Variants in SPG11 observed in about 807,000 individuals in gnomAD.
The protein encoded by SPG11 is SPG11 vesicle trafficking associated, spatacsin, also known as spatacsin.
A neutral mutation model predicts 274.0 loss-of-function variants in SPG11; 222 were observed. The observed-to-expected ratio is 0.81, with a 90% CI of 0.73 to 0.91. The LOEUF is 0.91. Ranked by LOEUF, SPG11 falls within the 40% of genes least tolerant of loss-of-function variation. The pLI, the probability that SPG11 is intolerant of heterozygous loss-of-function variation, is 0.00. For missense variants in SPG11, 3,114 were observed against 2,872.7 expected (o/e 1.08, Z -1.92); for synonymous variants, 1,144 against 1,039.7 (o/e 1.10, Z -1.93).
chr15:44,638,004 C>T (rs1173906629), intron 7 of SPG11, among the ~76,000 whole-genome samples: 1 of 151,758 alleles, frequency 6.6e-6, no homozygotes, highest in Non-Finnish European at 1.5e-5. Context: ...TCATTTTCAG[C>T]AAAAAGTTTA....
At chr15:44,572,401 T>C (rs2082442142) in intron 33 of SPG11, 2 of 415,500 alleles carry the variant, frequency 4.8e-6, no homozygotes, top group East Asian at 5.4e-5. Flanking sequence ...GTCTCCCTTC[T>C]AGGGGACAAT....
intron 7 of SPG11, among the ~76,000 whole-genome samples, chr15:44,644,240 C>A (rs1000465659): frequency 6.6e-6 from 1 of 151,420 alleles, no homozygotes; most frequent in African/African-American, 2.4e-5. Context: ...GCGAATCCAA[C>A]AGAATCAAGT....
rs780236735 is a variant in SPG11, at chr15:44,595,301, T to C, written c.4593A>G (p.Gln1531=). Residue 1531 remains glutamine (Q), a synonymous_variant, in exon 26 of 40, where the codon CAA becomes CAG. Coordinates refer to ENST00000261866, the MANE Select transcript of SPG11 (RefSeq NM_025137.4). ...AACCTCTGATGAGAGTTTTGCTCTT[T>C]TGTCTTGTTAATAATGTTCTCCAGA... ...SVIWRTLLTR[Q]KSKTLIRGFQ... 2.5e-6 allele frequency: 4 copies of C among 1,614,114 alleles called. No homozygotes were observed. The highest frequency in any genetic ancestry group is 3.3e-5 in the Admixed American group (2 of 60,010).
At chr15:44,643,164 T>C (rs1372433143) in intron 7 of SPG11, among the ~76,000 whole-genome samples, 2 of 152,174 alleles carry the variant, frequency 1.3e-5, no homozygotes, top group African/African-American at 4.8e-5. Flanking sequence ...AGAGGCACTG[T>C]GTGAATTAAA....
At chr15:44,586,373 T>C (rs116235416) in intron 28 of SPG11, among the ~76,000 whole-genome samples, 10,523 of 152,052 alleles carry the variant, frequency 0.069, 948 homozygotes, top group African/African-American at 0.19. Context: ...TGGCTAGGCG[T>C]AGTGGCTCAC....
intron 37 of SPG11, 62 bp downstream of exon 37, chr15:44,566,155 G>C: frequency 6.2e-7 from 1 of 1,604,644 alleles, no homozygotes; most frequent in Non-Finnish European, 8.5e-7. Flanking sequence ...AAGGACAAAA[G>C]AAAATAATTT....
intron 7 of SPG11, among the ~76,000 whole-genome samples, chr15:44,634,484 C>A (rs774633634): frequency 2.0e-5 from 3 of 150,090 alleles, no homozygotes; most frequent in Non-Finnish European, 4.4e-5. Context: ...GGTTTCACTG[C>A]GTTTGGCTAG....
chr15:44,631,999 A>G (rs2084078668), intron 8 of SPG11, among the ~76,000 whole-genome samples: 1 of 150,168 alleles, frequency 6.7e-6, no homozygotes, highest in Admixed American at 6.7e-5. Flanking sequence ...TGTAGAGGTA[A>G]GGTTTCACTA....
In SPG11 at chr15:44,563,320, T is replaced by G. The variant is rs963111099; in HGVS notation, c.7152-19A>C. ...TTTATATCTAGATAAAGAAACATAA[T>G]GTACAGGTTAAGATACTGTTTTTTG... On this transcript the variant is annotated intron_variant, in intron 39 of 39. Transcript: ENST00000261866. The G allele has an allele frequency of 6.2e-7, 1 of 1,605,610 alleles. No homozygotes were observed. The highest frequency in any genetic ancestry group is 8.5e-7 in the Non-Finnish European group (1 of 1,173,062).
chr15:44,566,071 C>A (rs1595817329), intron 37 of SPG11, 62 bp from the exon 38 acceptor site: 2 of 1,603,806 alleles, frequency 1.2e-6, no homozygotes, highest in African/African-American at 1.3e-5. Flanking sequence ...CCTGTGTGAA[C>A]CCTCACAACG....
At chr15:44,628,567 C>A in intron 10 of SPG11, 102 bp downstream of exon 10, 1 of 1,138,418 alleles carries the variant, frequency 8.8e-7, no homozygotes, top group East Asian at 2.4e-5. Context: ...GCCAAACATT[C>A]TGAATCACAA....
In SPG11 at chr15:44,584,423, A is replaced by G. The variant is rs775536803; in HGVS notation, c.5257T>C (p.Ser1753Pro). 6.2e-7 allele frequency: 1 copy of G among 1,614,186 alleles called. No homozygotes were observed. The highest frequency in any genetic ancestry group is 1.1e-5 in the South Asian group (1 of 91,084). ...TCACATGCCACATGGGCCTGGGTTG[A>G]GAAAAAGGAAGAAGCTGCTTTGCTT... ...ISSKAASSFF[S>P]TQAHVACEHP... The change falls in exon 30 of 40, where the codon TCA becomes CCA. Residue 1753 changes from serine to proline, a missense_variant. Physicochemically the swap from Ser to Pro is moderately conservative, Grantham distance 74. Coordinates refer to ENST00000261866, the MANE Select transcript of SPG11 (RefSeq NM_025137.4).
At chr15:44,572,452 T>A (rs768774344) in intron 33 of SPG11, 13 of 537,030 alleles carry the variant, frequency 2.4e-5, no homozygotes, top group Non-Finnish European at 4.3e-5. Flanking sequence ...GAAATAAGTA[T>A]GTTGAGTAAA....
In SPG11 at chr15:44,615,527, T is replaced by G. The variant is rs140164220; in HGVS notation, c.2874A>C (p.Glu958Asp). ...VFLASELEDF[E>D]CFLLRLSRIG... Reference sequence around the variant, plus strand: ...TACGGCTCAGTCTTAGGAGGAAGCATTCAAAGTCTTCCAGTTCAGATGCCA... The same window carrying G: ...TACGGCTCAGTCTTAGGAGGAAGCAGTCAAAGTCTTCCAGTTCAGATGCCA... The change falls in exon 16 of 40, where the codon GAA becomes GAC. Residue 958 changes from glutamate to aspartate, a missense_variant. Transcript: ENST00000261866. 7.5e-5 allele frequency: 121 copies of G among 1,614,096 alleles called. No individual in the cohort carries two copies. In the African/African-American group the frequency reaches 1.4e-3, roughly 19 times the overall value.
In SPG11 at chr15:44,596,948, A is replaced by C. The variant is rs1567149668; in HGVS notation, c.4002-5T>G. The stretch of plus-strand genomic sequence containing the variant: ...CTGCTAGATTCACTGGATAACCTAT[A>C]ATCAGAATTAGAGGTGGGGGTGGTC... On this transcript the variant is annotated splice_region_variant and splice_polypyrimidine_tract_variant and intron_variant, in intron 23 of 39. Coordinates refer to ENST00000261866, the MANE Select transcript of SPG11 (RefSeq NM_025137.4). 1.2e-6 allele frequency: 2 copies of C among 1,613,788 alleles called. No homozygotes were observed. The highest frequency in any genetic ancestry group is 1.7e-6 in the Non-Finnish European group (2 of 1,179,982).
chr15:44,586,136 C>T (rs537626016), intron 28 of SPG11, among the ~76,000 whole-genome samples: 1 of 151,748 alleles, frequency 6.6e-6, no homozygotes, highest in Non-Finnish European at 1.5e-5. Context: ...AGGTGTACAC[C>T]ACCACACCTG....
At chr15:44,630,236 GC>G (rs898651291) in intron 8 of SPG11, among the ~76,000 whole-genome samples, 23 of 152,274 alleles carry the variant, frequency 1.5e-4, no homozygotes, top group Middle Eastern at 3.4e-3. Context: ...TCCTCCCGCT[GC>G]CCCCCGTGGA....
At chr15:44,621,444 G>A (rs1205528296) in intron 14 of SPG11, 1 of 340,536 alleles carries the variant, frequency 2.9e-6, no homozygotes, top group Non-Finnish European at 5.6e-6. Flanking sequence ...CCCCATATCA[G>A]ATGGCATAGA....
chr15:44,628,297 AATC>A (rs1156990654), intron 10 of SPG11, among the ~76,000 whole-genome samples: 1 of 152,248 alleles, frequency 6.6e-6, no homozygotes, highest in African/African-American at 2.4e-5. Flanking sequence ...CCAAAGATCT[AATC>A]ATCAGCAGCA....
Sources: gnomAD v4.1 joint callset for allele counts (sites outside exome capture counted in the v4.1 genomes callset) on GRCh38, gnomAD v4.1.1 for gene constraint, MANE v1.5 for transcripts, NCBI Gene and HGNC (gene_info 2026-07-23, HGNC 2026-07-21) for gene names.